GALNT18: variants seen among roughly 807,000 people sequenced by gnomAD.
GALNT18 encodes GalNAc-transferase 18.
GALNT18 carries 44 observed loss-of-function variants against 69.5 expected under a neutral mutation model. The ratio of observed to expected loss-of-function variants is 0.63; its 90% CI spans 0.50 to 0.81. GALNT18 has a LOEUF of 0.81. Among genes scored for constraint, GALNT18 ranks in the 40% least tolerant of loss-of-function variants. GALNT18 has a pLI of 0.00. For missense variants in GALNT18, 715 were observed against 810.0 expected, an observed-to-expected ratio of 0.88 and a Z score of 1.42; for synonymous variants, 364 against 318.2, an observed-to-expected ratio of 1.14 and a Z score of -1.53.
At position 11,564,920 on chromosome 11, in the gene GALNT18, G is replaced by A. The variant is rs1858605442; in HGVS notation, c.235+56439C>T. Among the ~76,000 whole-genome samples the A allele has an allele frequency of 6.6e-6, 1 of 152,190 alleles. No homozygotes were observed. The highest frequency in any genetic ancestry group is 1.5e-5 in the Non-Finnish European group (1 of 68,034). On this transcript the variant is annotated intron_variant, in intron 1 of 10. Coordinates refer to ENST00000227756, the MANE Select transcript of GALNT18 (RefSeq NM_198516.3). The surrounding 1 kb of genome is among the most constrained non-coding windows in gnomAD (Gnocchi z 4.3). ...GGTCTAGAACATCTCCCTCCCCACA[G>A]AATGCTTGCTCTATTGGACAGCCCT...
At chr11:11,393,371 C>T (rs1054061965) in intron 3 of GALNT18, among the ~76,000 whole-genome samples, 1 of 152,212 alleles carries the variant, frequency 6.6e-6, no homozygotes, top group African/African-American at 2.4e-5. Context: ...GCTGCTAGAT[C>T]CCAAATGTAG....
chr11:11,467,088 G>C (rs1266435821), intron 1 of GALNT18, among the ~76,000 whole-genome samples: 1 of 152,190 alleles, frequency 6.6e-6, no homozygotes, highest in Non-Finnish European at 1.5e-5. Flanking sequence ...AACATCTTCC[G>C]AACCTGGGGC....
rs1407510616 is a variant in GALNT18 at position 11,563,650 on chromosome 11, G to A, written c.235+57709C>T. ...CAAAGCCTAAGGCTAGCTTGTGGTTGCTGGTGGGGGCCCCACAGCCGGCAA... is the reference window on the plus strand; with the variant it reads ...CAAAGCCTAAGGCTAGCTTGTGGTTACTGGTGGGGGCCCCACAGCCGGCAA... On this transcript the variant is annotated intron_variant, in intron 1 of 10. Transcript: ENST00000227756. This position sits in a 1 kb window ranked among gnomAD's most constrained non-coding sequence, Gnocchi z 4.6. 6.6e-6 allele frequency among the ~76,000 whole-genome samples: 1 copy of A among 152,182 alleles called. No homozygotes were observed. The highest frequency in any genetic ancestry group is 1.5e-5 in the Non-Finnish European group (1 of 68,046).
chr11:11,613,044 C>T lies in GALNT18; in HGVS notation c.235+8315G>A, dbSNP rs537136660. On this transcript the variant is annotated intron_variant, in intron 1 of 10. Transcript: ENST00000227756. This position sits in a 1 kb window ranked among gnomAD's most constrained non-coding sequence, Gnocchi z 4.2. ...CATCATTAAGGACAGCTTCATCTCC[C>T]AAAAATAAACCTTCCAAAAACTGAA... Among the ~76,000 whole-genome samples, 10 of 152,260 alleles carry T rather than the reference C, an allele frequency of 6.6e-5. No homozygotes were observed. The highest frequency in any genetic ancestry group is 6.5e-4 in the Admixed American group (10 of 15,300).
At position 11,493,215 on chromosome 11, in the gene GALNT18, C is replaced by T. The variant is rs190746927; in HGVS notation, c.236-44279G>A. On this transcript the variant is annotated intron_variant, in intron 1 of 10. Transcript: ENST00000227756. ...GGCGGAGGTTGAAGTGAGCCAAGATCGCGCCACTGCACTCCAGCCTGGGCG... is the reference window on the plus strand; with the variant it reads ...GGCGGAGGTTGAAGTGAGCCAAGATTGCGCCACTGCACTCCAGCCTGGGCG... Among the ~76,000 whole-genome samples the T allele has an allele frequency of 6.4e-3, 883 of 137,002 alleles. 5 individuals carry two copies. The highest frequency in any genetic ancestry group is 0.011 in the Non-Finnish European group (713 of 66,340). The allele number at this position is 137,002 out of a possible 152,430, so 89.9% of individuals were successfully genotyped here.
Position 11,404,471 on chromosome 11 carries a change from C to T in GALNT18, c.596-25207G>A, listed in dbSNP as rs192375311. Among the ~76,000 whole-genome samples, 13 of 152,254 alleles carry T rather than the reference C, an allele frequency of 8.5e-5. No homozygotes were observed. The South Asian group carries it at 1.5e-3, about 17-fold the overall frequency. ...TCAAAGGCTGATGTAAGCCCTGGCCCGGAAGGAGTTAAGGATCAAACGGCG... is the reference window on the plus strand; with the variant it reads ...TCAAAGGCTGATGTAAGCCCTGGCCTGGAAGGAGTTAAGGATCAAACGGCG... On this transcript the variant is annotated intron_variant, in intron 3 of 10. Transcript: ENST00000227756. This position sits in a 1 kb window ranked among gnomAD's most constrained non-coding sequence, Gnocchi z 4.5.
intron 1 of GALNT18, among the ~76,000 whole-genome samples, chr11:11,567,766 A>G (rs952252932): frequency 6.6e-6 from 1 of 152,232 alleles, no homozygotes; most frequent in Non-Finnish European, 1.5e-5. Context: ...CAATGTCTCC[A>G]AGACTTAGGA....
chr11:11,492,252 T>C (rs1270422785), intron 1 of GALNT18, among the ~76,000 whole-genome samples: 2 of 152,166 alleles, frequency 1.3e-5, no homozygotes, highest in Non-Finnish European at 2.9e-5. Context: ...GCAATAGGCA[T>C]ACAGAAATGA....
rs955486765 is a variant in GALNT18 at position 11,346,335 on chromosome 11, T to C, written c.1093-5331A>G. ...ATTTGAATGAGTGAATCTAGGAATC[T>C]GAGAGTCCTGGGCTTTCACTGACTA... On this transcript the variant is annotated intron_variant, in intron 6 of 10. Transcript: ENST00000227756. 3.0e-4 allele frequency among the ~76,000 whole-genome samples: 46 copies of C among 152,346 alleles called. 1 individual carries two copies. The Middle Eastern group carries it at 0.02, about 68-fold the overall frequency.
At chr11:11,529,116 T>G (rs7131618) in intron 1 of GALNT18, among the ~76,000 whole-genome samples, 149,167 of 152,330 alleles carry the variant, frequency 0.98, 73,092 homozygotes, top group Non-Finnish European at 1. Flanking sequence ...ACTAGTGCCT[T>G]CCCTGTGTTT....
At chr11:11,570,564 C>A (rs1858768457) in intron 1 of GALNT18, among the ~76,000 whole-genome samples, 2 of 152,236 alleles carry the variant, frequency 1.3e-5, no homozygotes, top group African/African-American at 4.8e-5. Flanking sequence ...CCACAATTCA[C>A]CAAACCAGCT....
chr11:11,351,854 G>T, intron 6 of GALNT18: 1 of 1,009,402 alleles, frequency 9.9e-7, no homozygotes. Context: ...CTTCTGAAGT[G>T]TTTCACCCCT....
rs1848859600 is a variant in GALNT18 at position 11,272,995 on chromosome 11, A to T, written c.1678-1705T>A. Among the ~76,000 whole-genome samples, 4 of 148,256 alleles carry T rather than the reference A, an allele frequency of 2.7e-5. No homozygotes were observed. In the Admixed American group the frequency reaches 2.9e-4, roughly 11 times the overall value. On this transcript the variant is annotated intron_variant, in intron 10 of 10. Transcript: ENST00000227756. ...TTGCCTGAGAAAATGCAAAAGAATGAAACTAGAGCCCTATCTCTCGCTATA... is the reference window on the plus strand; with the variant it reads ...TTGCCTGAGAAAATGCAAAAGAATGTAACTAGAGCCCTATCTCTCGCTATA...
chr11:11,519,013 C>T (rs7122801), intron 1 of GALNT18, among the ~76,000 whole-genome samples: 38,652 of 152,060 alleles, frequency 0.25, 5,714 homozygotes, highest in South Asian at 0.38. Context: ...AGATCTTCTC[C>T]GGCAATGGAG....
intron 1 of GALNT18, among the ~76,000 whole-genome samples, chr11:11,506,186 T>C (rs1266603584): frequency 6.6e-6 from 1 of 152,218 alleles, no homozygotes; most frequent in East Asian, 1.9e-4. Context: ...AACTCCAGCA[T>C]ACAGCTCCTC....
In GALNT18 at chr11:11,564,396, T is replaced by C. The variant is rs531868443; in HGVS notation, c.235+56963A>G. Among the ~76,000 whole-genome samples, 15 of 152,316 alleles carry C rather than the reference T, an allele frequency of 9.8e-5. No individual in the cohort carries two copies. The South Asian group carries it at 3.1e-3, about 32-fold the overall frequency. On this transcript the variant is annotated intron_variant, in intron 1 of 10. Transcript: ENST00000227756. The surrounding 1 kb of genome is among the most constrained non-coding windows in gnomAD (Gnocchi z 4.3). ...AATCCCCGGAAGGATTCCAGGCAAG[T>C]GCTCACTCAGAAGAGCAGAACTAGA...
intron 3 of GALNT18, among the ~76,000 whole-genome samples, chr11:11,398,926 C>CCAGGG (rs960296971): frequency 2.0e-5 from 3 of 152,096 alleles, no homozygotes; most frequent in Admixed American, 6.5e-5. Flanking sequence ...GCCTCTGCAG[C>CCAGGG]CAGGGCAGAG....
rs535923796 is a variant in GALNT18 at position 11,281,236 on chromosome 11, C to A, written c.1678-9946G>T. On this transcript the variant is annotated intron_variant, in intron 10 of 10. Coordinates refer to ENST00000227756, the MANE Select transcript of GALNT18 (RefSeq NM_198516.3). Reference sequence around the variant, plus strand: ...CTGAGCTAGGATGCTGAGGACACAGCTGCTTTCCTGGCGGTTAGCTGTGTG... The same window carrying A: ...CTGAGCTAGGATGCTGAGGACACAGATGCTTTCCTGGCGGTTAGCTGTGTG... Among the ~76,000 whole-genome samples, 129 of 152,350 alleles carry A rather than the reference C, an allele frequency of 8.5e-4. 1 individual carries two copies. Among genetic ancestry groups the A allele is most frequent in the African/African-American group, 3.1e-3 (128 of 41,576 alleles).
intron 1 of GALNT18, among the ~76,000 whole-genome samples, chr11:11,499,238 C>T (rs1261990886): frequency 1.3e-5 from 2 of 152,240 alleles, no homozygotes; most frequent in Non-Finnish European, 2.9e-5. Context: ...CTCCTCTGGT[C>T]TAAAAGCCAC....
Sources: gnomAD v4.1 joint callset for allele counts (sites outside exome capture counted in the v4.1 genomes callset) on GRCh38, gnomAD v4.1.1 for gene constraint, Gnocchi (gnomAD v3.1) non-coding constraint, MANE v1.5 for transcripts, NCBI Gene and HGNC (gene_info 2026-07-23, HGNC 2026-07-21) for gene names.